Variants in ELL observed in about 807,000 individuals in gnomAD.
The protein encoded by ELL is RNA polymerase II elongation factor ELL.
A neutral mutation model predicts 64.0 loss-of-function variants in ELL; 18 were observed. The ratio of observed to expected loss-of-function variants is 0.28; its 90% CI spans 0.19 to 0.42. ELL has a LOEUF of 0.42. Among genes scored for constraint, ELL ranks in the 10% least tolerant of loss-of-function variants. The pLI, the probability that ELL is intolerant of heterozygous loss-of-function variation, is 1.00. For synonymous variants in ELL, 399 were observed against 376.2 expected, an observed-to-expected ratio of 1.06 and a Z score of -0.70; for missense variants, 797 against 870.4, an observed-to-expected ratio of 0.92 and a Z score of 1.06.
chr19:18,452,915 A>C (rs1297362096), intron 6 of ELL, among the ~76,000 whole-genome samples: 1 of 152,268 alleles, frequency 6.6e-6, no homozygotes, highest in Non-Finnish European at 1.5e-5. Context: ...TCAGACCTCA[A>C]AACAGAGGAA....
intron 6 of ELL, among the ~76,000 whole-genome samples, chr19:18,455,218 C>T (rs1351041276): frequency 6.6e-6 from 1 of 151,352 alleles, no homozygotes; most frequent in African/African-American, 2.4e-5. Flanking sequence ...TTAGGCCAGG[C>T]ACAGTGGATC....
Position 18,501,532 on chromosome 19 carries a change from C to G in ELL, c.135+20389G>C. ...GTGAGGGGCCACTGGCAGAAGGGAGCAAGACACTGGTCCACGGCACAGCCA... is the reference window on the plus strand; with the variant it reads ...GTGAGGGGCCACTGGCAGAAGGGAGGAAGACACTGGTCCACGGCACAGCCA... On this transcript the variant is annotated intron_variant, in intron 1 of 11. Transcript: ENST00000262809. The surrounding 1 kb of genome is among the most constrained non-coding windows in gnomAD (Gnocchi z 4.5). Among the ~76,000 whole-genome samples the G allele has an allele frequency of 6.6e-6, 1 of 152,170 alleles. No homozygotes were observed. The highest frequency in any genetic ancestry group is 1.5e-5 in the Non-Finnish European group (1 of 68,028).
chr19:18,475,041 T>C (rs1975148061), intron 1 of ELL, among the ~76,000 whole-genome samples: 1 of 152,158 alleles, frequency 6.6e-6, no homozygotes, highest in Non-Finnish European at 1.5e-5. Context: ...GGAGAATCAC[T>C]TCAACCCAGG....
In ELL at chr19:18,443,075, G is replaced by A. The variant is rs1974327900; in HGVS notation, c.*1677C>T. On this transcript the variant is annotated 3_prime_UTR_variant, in exon 12 of 12. Coordinates refer to ENST00000262809, the MANE Select transcript of ELL (RefSeq NM_006532.4). ...GGTTCCCAGGGCAGAGGGGCGGGCA[G>A]TCCCGGGCTGGGACCTCCTGAAATC... is the stretch of plus-strand genomic sequence containing the variant. The A allele has an allele frequency of 4.3e-6, 1 of 232,480 alleles. No individual in the cohort carries two copies. Among genetic ancestry groups the A allele is most frequent in the Non-Finnish European group, 8.5e-6 (1 of 117,618 alleles). 14.4% of individuals were successfully genotyped at this position (232,480 alleles called of 1,614,324 possible).
chr19:18,497,249 C>T (rs551739768), intron 1 of ELL, among the ~76,000 whole-genome samples: 30 of 152,318 alleles, frequency 2.0e-4, no homozygotes, highest in African/African-American at 6.0e-4. Flanking sequence ...TAAAAGCATA[C>T]GACTAAATCA....
chr19:18,469,263 G>A (rs1176835030), intron 2 of ELL, among the ~76,000 whole-genome samples: 2 of 152,308 alleles, frequency 1.3e-5, no homozygotes, highest in South Asian at 2.1e-4. Context: ...GCCAGACACC[G>A]AGGTTCTCAC....
At chr19:18,447,785 C>T (rs1297890421) in intron 8 of ELL, among the ~76,000 whole-genome samples, 1 of 144,544 alleles carries the variant, frequency 6.9e-6, no homozygotes, top group Non-Finnish European at 1.5e-5. Flanking sequence ...CCTCAATACA[C>T]TTTTTTTTTT....
chr19:18,451,046 C>T, intron 7 of ELL, 71 bp from the exon 8 acceptor site: 2 of 1,445,182 alleles, frequency 1.4e-6, no homozygotes, highest in Non-Finnish European at 1.8e-6. Context: ...ATCCCCTGGC[C>T]TGGCTAGAAA....
At chr19:18,489,342 G>A (rs1028031114) in intron 1 of ELL, among the ~76,000 whole-genome samples, 1 of 152,200 alleles carries the variant, frequency 6.6e-6, no homozygotes, top group Admixed American at 6.5e-5. Flanking sequence ...ACTTGACCGC[G>A]GACAGATTTA....
intron 1 of ELL, among the ~76,000 whole-genome samples, chr19:18,517,706 A>AT (rs1002952437): frequency 1.3e-5 from 2 of 151,282 alleles, no homozygotes; most frequent in African/African-American, 4.9e-5. Flanking sequence ...ACAAAAAAAA[A>AT]TTTTTTTTAA....
At chr19:18,472,642 G>T in intron 2 of ELL, 193 bp downstream of exon 2, 2 of 630,216 alleles carry the variant, frequency 3.2e-6, no homozygotes, top group African/African-American at 1.9e-5. Context: ...AGCAGCCTGT[G>T]ACGTGCACCC....
In ELL at chr19:18,444,903, C is replaced by A. The variant is rs113931544; in HGVS notation, c.1750-35G>T. 3.5e-5 allele frequency: 56 copies of A among 1,582,526 alleles called. No individual in the cohort carries two copies. The East Asian group carries it at 1.1e-3, about 30-fold the overall frequency. ...AGCACAGTCATGCTCAGGACAGAGCCGCCCTGGGTGCTGCTCCCCGCTGTA... is the reference window on the plus strand; with the variant it reads ...AGCACAGTCATGCTCAGGACAGAGCAGCCCTGGGTGCTGCTCCCCGCTGTA... On this transcript the variant is annotated intron_variant, in intron 11 of 11. Transcript: ENST00000262809.
In ELL at chr19:18,501,401, T is replaced by A. The variant is rs1297299883; in HGVS notation, c.135+20520A>T. On this transcript the variant is annotated intron_variant, in intron 1 of 11. Coordinates refer to ENST00000262809, the MANE Select transcript of ELL (RefSeq NM_006532.4). The surrounding 1 kb of genome is among the most constrained non-coding windows in gnomAD (Gnocchi z 4.5). The stretch of plus-strand genomic sequence containing the variant: ...AGAGAACGTGGGAAAGGGCCTGGGA[T>A]GGGCCCACTGTTGGCGAGGAGGGGC... Among the ~76,000 whole-genome samples, 3 of 152,230 alleles carry A rather than the reference T, an allele frequency of 2.0e-5. No homozygotes were observed. Among genetic ancestry groups the A allele is most frequent in the African/African-American group, 7.2e-5 (3 of 41,462 alleles).
At chr19:18,448,511 A>T (rs1480027187) in intron 8 of ELL, 1 of 152,248 alleles carries the variant, frequency 6.6e-6, no homozygotes. Context: ...CTCAATGGGC[A>T]TGTATTGAAT....
intron 5 of ELL, among the ~76,000 whole-genome samples, chr19:18,461,293 G>A (rs1185216501): frequency 6.6e-6 from 1 of 152,246 alleles, no homozygotes; most frequent in African/African-American, 2.4e-5. Flanking sequence ...AGGCCCCACG[G>A]CCCGTGTGTC....
intron 1 of ELL, among the ~76,000 whole-genome samples, chr19:18,486,604 C>T (rs941306665): frequency 3.3e-5 from 5 of 152,194 alleles, no homozygotes; most frequent in African/African-American, 1.2e-4. Context: ...CGCCCTTTCA[C>T]GGGGCCCCTG....
Position 18,445,258 on chromosome 19 carries a change from C to T in ELL, c.1715G>A (p.Gly572Glu). 2 of 1,613,970 alleles carry T rather than the reference C, an allele frequency of 1.2e-6. No individual in the cohort carries two copies. Among genetic ancestry groups the T allele is most frequent in the Non-Finnish European group, 1.7e-6 (2 of 1,180,008 alleles). ...QGSEEYETTR[G>E]QILQEYRKIK... ...TTTTCGATATTCCTGCAAAATCTGC[C>T]CTCGAGTAGTCTAGAAGAAAAACAA... The change falls in exon 11 of 12, where the codon GGG becomes GAG. Residue 572 changes from glycine (G) to glutamate (E), a missense_variant. Coordinates refer to ENST00000262809, the MANE Select transcript of ELL (RefSeq NM_006532.4).
chr19:18,488,807 G>A (rs1049271520), intron 1 of ELL, among the ~76,000 whole-genome samples: 1 of 152,176 alleles, frequency 6.6e-6, no homozygotes, highest in African/African-American at 2.4e-5. Context: ...TAAGTGGCAG[G>A]GCTTGAGCTG....
At chr19:18,516,253 G>C (rs939767353) in intron 1 of ELL, among the ~76,000 whole-genome samples, 1 of 152,152 alleles carries the variant, frequency 6.6e-6, no homozygotes, top group Non-Finnish European at 1.5e-5. Flanking sequence ...CCACCCAGAA[G>C]AGCTGAGTAC....
Sources: gnomAD v4.1 joint callset for allele counts (sites outside exome capture counted in the v4.1 genomes callset) on GRCh38, gnomAD v4.1.1 for gene constraint, Gnocchi (gnomAD v3.1) non-coding constraint, MANE v1.5 for transcripts, NCBI Gene and HGNC (gene_info 2026-07-23, HGNC 2026-07-21) for gene names.